DIS3L2: variants seen among roughly 807,000 people sequenced by gnomAD.
DIS3L2 encodes DIS3 like 3'-5' exoribonuclease 2, also known as DIS3-like exonuclease 2.
A neutral mutation model predicts 97.5 loss-of-function variants in DIS3L2; 34 were observed. The ratio of observed to expected loss-of-function variants is 0.35; its 90% confidence interval spans 0.27 to 0.46. The LOEUF (loss-of-function observed/expected upper bound fraction) is 0.46. Ranked by LOEUF, DIS3L2 falls within the 20% of genes least tolerant of loss-of-function variation. DIS3L2 has a pLI of 1.00. For missense variants in DIS3L2, 1,038 were observed against 1,146.0 expected, an observed-to-expected ratio of 0.91 and a Z score of 1.36; for synonymous variants, 435 against 445.2, an observed-to-expected ratio of 0.98 and a Z score of 0.29.
chr2:232,249,721 G>C lies in DIS3L2; in HGVS notation c.1425+375G>C, dbSNP rs554797489. Among the ~76,000 whole-genome samples the C allele has an allele frequency of 2.6e-5, 4 of 152,296 alleles. No individual in the cohort carries two copies. The South Asian group carries it at 8.3e-4, about 32-fold the overall frequency. On this transcript the variant is annotated intron_variant, in intron 12 of 20. Coordinates refer to ENST00000325385, the MANE Select transcript of DIS3L2 (RefSeq NM_152383.5). The stretch of plus-strand genomic sequence containing the variant: ...AGGAGAGCAGAGCCTGTTTAGAGGA[G>C]GACATTAGGTAAAGTGGGAAGTTTA...
chr2:231,976,270 C>T (rs190398294), intron 1 of DIS3L2, among the ~76,000 whole-genome samples: 1 of 152,056 alleles, frequency 6.6e-6, no homozygotes, highest in East Asian at 1.9e-4. Context: ...CCTTTAATTC[C>T]CTAATACAGA....
At chr2:232,058,686 G>A (rs929409191) in intron 5 of DIS3L2, among the ~76,000 whole-genome samples, 1 of 152,280 alleles carries the variant, frequency 6.6e-6, no homozygotes, top group Middle Eastern at 3.4e-3. Flanking sequence ...GAGTCAATAA[G>A]GAGTTAGATA....
chr2:232,213,503 T>C (rs1692243926), intron 10 of DIS3L2, among the ~76,000 whole-genome samples: 1 of 151,998 alleles, frequency 6.6e-6, no homozygotes, highest in Non-Finnish European at 1.5e-5. Flanking sequence ...ATCCAAGGAG[T>C]TGAAAAGGGA....
At chr2:232,009,134 G>C (rs1392738701) in intron 1 of DIS3L2, among the ~76,000 whole-genome samples, 2 of 151,966 alleles carry the variant, frequency 1.3e-5, no homozygotes, top group Non-Finnish European at 2.9e-5. Context: ...TTTTAAAAGT[G>C]TTTTCTTCTA....
chr2:231,998,994 C>T (rs1366470499), intron 1 of DIS3L2, among the ~76,000 whole-genome samples: 1 of 152,168 alleles, frequency 6.6e-6, no homozygotes, highest in African/African-American at 2.4e-5. Context: ...CTTTCTGGAA[C>T]AGCAAGATAT....
chr2:232,234,280 T>C (rs1692875944), intron 10 of DIS3L2, among the ~76,000 whole-genome samples: 1 of 152,216 alleles, frequency 6.6e-6, no homozygotes, highest in African/African-American at 2.4e-5. Flanking sequence ...AAAGTTAGCT[T>C]GTGTGTGAAG....
chr2:232,104,297 C>T (rs1015946358), intron 6 of DIS3L2, among the ~76,000 whole-genome samples: 2 of 152,160 alleles, frequency 1.3e-5, no homozygotes, highest in Non-Finnish European at 2.9e-5. Flanking sequence ...CGAGGGCCTA[C>T]CTGTTCTCTT....
intron 9 of DIS3L2, among the ~76,000 whole-genome samples, chr2:232,172,302 C>G (rs115204708): frequency 0.019 from 2,827 of 152,150 alleles, 37 homozygotes; most frequent in Non-Finnish European, 0.026. Context: ...TCCTCATTCC[C>G]TCTCCCCCCA....
At chr2:232,205,239 A>ATATAT (rs1411143783) in intron 9 of DIS3L2, among the ~76,000 whole-genome samples, 2 of 132,680 alleles carry the variant, frequency 1.5e-5, no homozygotes, top group African/African-American at 6.1e-5. Context: ...TATATATATA[A>ATATAT]AATGCAGTGA....
intron 1 of DIS3L2, among the ~76,000 whole-genome samples, chr2:231,992,791 G>A (rs923694214): frequency 1.3e-5 from 2 of 152,054 alleles, no homozygotes; most frequent in African/African-American, 4.8e-5. Context: ...CAAGCCTCCA[G>A]GAAGTAGAGA....
downstream of DIS3L2, among the ~76,000 whole-genome samples, chr2:232,342,165 A>G (rs1043920596): frequency 2.0e-5 from 3 of 152,060 alleles, no homozygotes; most frequent in African/African-American, 7.3e-5. Context: ...ATACATATAC[A>G]CATACACATA....
At chr2:232,139,195 A>T (rs1698442701) in intron 8 of DIS3L2, among the ~76,000 whole-genome samples, 2 of 152,186 alleles carry the variant, frequency 1.3e-5, no homozygotes, top group South Asian at 4.1e-4. Context: ...CTCATGAGAA[A>T]ATCAGAACTA....
At chr2:232,126,972 A>G (rs1212696388) in intron 6 of DIS3L2, among the ~76,000 whole-genome samples, 1 of 152,076 alleles carries the variant, frequency 6.6e-6, no homozygotes, top group Non-Finnish European at 1.5e-5. Context: ...ATCTATATCT[A>G]TATATCCTTC....
intron 8 of DIS3L2, among the ~76,000 whole-genome samples, chr2:232,144,126 GA>G (rs1690150120): frequency 6.6e-6 from 1 of 152,036 alleles, no homozygotes; most frequent in Non-Finnish European, 1.5e-5. Context: ...TTTTGCTCCT[GA>G]AAACGTTCCA....
intron 1 of DIS3L2, among the ~76,000 whole-genome samples, chr2:231,995,197 A>G (rs1693697849): frequency 6.6e-6 from 1 of 152,094 alleles, no homozygotes; most frequent in South Asian, 2.1e-4. Context: ...GTCAATCGTG[A>G]TGGCTCTTTC....
At chr2:232,222,779 A>G (rs775559878) in intron 10 of DIS3L2, among the ~76,000 whole-genome samples, 13 of 152,206 alleles carry the variant, frequency 8.5e-5, no homozygotes, top group Non-Finnish European at 1.5e-4. Context: ...TGAGTGAACA[A>G]TTTTAACTGT....
At chr2:232,270,869 T>G (rs1268386987) in intron 13 of DIS3L2, among the ~76,000 whole-genome samples, 1 of 44,788 alleles carries the variant, frequency 2.2e-5, no homozygotes. Context: ...CGTCTCTCTC[T>G]CTCTCTCTCT....
At chr2:232,092,708 G>T (rs1406784432) in intron 6 of DIS3L2, among the ~76,000 whole-genome samples, 1 of 152,066 alleles carries the variant, frequency 6.6e-6, no homozygotes, top group Non-Finnish European at 1.5e-5. Context: ...TTTGCTGTTA[G>T]CATATAGAAA....
At chr2:232,056,437 T>G (rs1010595993) in intron 5 of DIS3L2, among the ~76,000 whole-genome samples, 5 of 151,764 alleles carry the variant, frequency 3.3e-5, no homozygotes, top group Non-Finnish European at 5.9e-5. Flanking sequence ...AATTAATAGA[T>G]TGGAGTACAT....
Sources: gnomAD v4.1 joint callset for allele counts (sites outside exome capture counted in the v4.1 genomes callset) on GRCh38, gnomAD v4.1.1 for gene constraint, MANE v1.5 for transcripts, NCBI Gene and HGNC (gene_info 2026-07-23, HGNC 2026-07-21) for gene names.